The following MXI1 variants were observed in gnomAD, a reference collection of about 807,000 sequenced individuals.
The protein encoded by MXI1 is MAX interactor 1, dimerization protein.
MXI1 carries 18 observed loss-of-function variants against 36.9 expected under a neutral mutation model. The ratio of observed to expected loss-of-function variants is 0.49; its 90% CI spans 0.34 to 0.72. The LOEUF (loss-of-function observed/expected upper bound fraction) is 0.72. Among genes scored for constraint, MXI1 ranks in the 30% least tolerant of loss-of-function variants. The pLI, the probability that MXI1 is intolerant of heterozygous loss-of-function variation, is 0.01. For synonymous variants in MXI1, 160 were observed against 146.7 expected, an observed-to-expected ratio of 1.09 and a Z score of -0.65; for missense variants, 304 against 379.1, an observed-to-expected ratio of 0.80 and a Z score of 1.64.
At chr10:110,215,049 T>TG (rs1040407461) in intron 1 of MXI1, among the ~76,000 whole-genome samples, 3 of 126,728 alleles carry the variant, frequency 2.4e-5, no homozygotes, top group African/African-American at 9.8e-5. Flanking sequence ...TTTTGTTTTT[T>TG]TTTTTTTTTT....
intron 3 of MXI1, chr10:110,257,665 A>G (rs546552162): frequency 1.2e-5 from 2 of 166,812 alleles, no homozygotes; most frequent in South Asian, 3.2e-4. Flanking sequence ...TAAGCACTCT[A>G]AGAACTGAGG....
chr10:110,230,227 T>G (rs1245334859), intron 2 of MXI1, among the ~76,000 whole-genome samples: 1 of 152,242 alleles, frequency 6.6e-6, no homozygotes, highest in African/African-American at 2.4e-5. Flanking sequence ...AATAAGAAAC[T>G]CTTAGTCATC....
At position 110,207,982 on chromosome 10, in the gene MXI1, C is replaced by T. The variant is rs749845781; in HGVS notation, c.174C>T (p.Ser58=). Residue 58 remains serine (S), a synonymous_variant, in exon 1 of 6, where the codon AGC becomes AGT. Coordinates refer to ENST00000332674, the MANE Select transcript of MXI1 (RefSeq NM_130439.3). ...RCPFSDIFNT[S]ENSMEKHINT... ...CCTTCTCAGACATTTTCAACACCAG[C>T]GAGAACTCGATGGAGAAGCACATCA... 3.1e-6 allele frequency: 5 copies of T among 1,601,824 alleles called. No individual in the cohort carries two copies. Among genetic ancestry groups the T allele is most frequent in the Non-Finnish European group, 4.3e-6 (5 of 1,174,686 alleles).
intron 4 of MXI1, 120 bp downstream of exon 4, chr10:110,279,414 G>C (rs1456539200): frequency 1.3e-6 from 1 of 793,552 alleles, no homozygotes; most frequent in Non-Finnish European, 2.0e-6. Context: ...CTGACCTCAA[G>C]AGAAGTCTTT....
rs1048795509 is a variant in MXI1, at chr10:110,285,152, T to C, written c.*165T>C. ...GTCAGAGGACCTGTATTTAAGCAAATACTTAGCAAAAAGTGGGGCAGAGCC... is the reference window on the plus strand; with the variant it reads ...GTCAGAGGACCTGTATTTAAGCAAACACTTAGCAAAAAGTGGGGCAGAGCC... On this transcript the variant is annotated 3_prime_UTR_variant, in exon 6 of 6. Coordinates refer to ENST00000332674, the MANE Select transcript of MXI1 (RefSeq NM_130439.3). 1.7e-6 allele frequency: 1 copy of C among 579,610 alleles called. No homozygotes were observed. The highest frequency in any genetic ancestry group is 1.9e-5 in the African/African-American group (1 of 51,564). 35.9% of individuals were successfully genotyped at this position (579,610 alleles called of 1,614,324 possible).
intron 3 of MXI1, among the ~76,000 whole-genome samples, chr10:110,270,076 A>C (rs1276684427): frequency 1.3e-5 from 2 of 152,216 alleles, no homozygotes; most frequent in East Asian, 3.8e-4. Flanking sequence ...TGATCTCTCT[A>C]GAGAGGAGTA....
chr10:110,219,282 A>G (rs988357631), intron 1 of MXI1, among the ~76,000 whole-genome samples: 2 of 152,264 alleles, frequency 1.3e-5, no homozygotes, highest in South Asian at 4.1e-4. Flanking sequence ...CCTGGGAGAC[A>G]GAGTGAGACT....
intron 5 of MXI1, among the ~76,000 whole-genome samples, chr10:110,280,476 C>A (rs187341955): frequency 1.2e-4 from 18 of 151,738 alleles, no homozygotes; most frequent in Admixed American, 3.9e-4. Flanking sequence ...GTCAGGAGAT[C>A]GAGGCCATCC....
intron 5 of MXI1, among the ~76,000 whole-genome samples, chr10:110,282,683 C>G (rs1390246906): frequency 1.3e-5 from 2 of 152,044 alleles, no homozygotes; most frequent in African/African-American, 4.8e-5. Context: ...CCCAGTGTAC[C>G]TTACTTTAGC....
At chr10:110,238,773 C>G (rs1161945891) in intron 2 of MXI1, among the ~76,000 whole-genome samples, 1 of 151,994 alleles carries the variant, frequency 6.6e-6, no homozygotes, top group Non-Finnish European at 1.5e-5. Context: ...TCTGTTTCTT[C>G]TTGAGTCAGT....
intron 5 of MXI1, 115 bp downstream of exon 5, chr10:110,280,200 G>A: frequency 1.2e-6 from 1 of 868,670 alleles, no homozygotes; most frequent in Non-Finnish European, 1.6e-6. Flanking sequence ...GAGTAACATT[G>A]TAGGTTTTAT....
At chr10:110,252,034 A>T (rs921733819) in intron 3 of MXI1, among the ~76,000 whole-genome samples, 6 of 152,142 alleles carry the variant, frequency 3.9e-5, no homozygotes, top group African/African-American at 1.4e-4. Context: ...AAAAAGTACA[A>T]TCTAGTAGCT....
At chr10:110,235,146 G>T (rs546387379) in intron 2 of MXI1, among the ~76,000 whole-genome samples, 143 of 152,188 alleles carry the variant, frequency 9.4e-4, no homozygotes, top group African/African-American at 3.4e-3. Flanking sequence ...AGCGTTTCTT[G>T]CTATAGAAGA....
At chr10:110,220,484 G>C (rs1854775616) in intron 1 of MXI1, among the ~76,000 whole-genome samples, 1 of 152,218 alleles carries the variant, frequency 6.6e-6, no homozygotes, top group African/African-American at 2.4e-5. Context: ...GGCAGCAGGA[G>C]CTGGTTGTGT....
At chr10:110,213,734 G>A (rs1307205167) in intron 1 of MXI1, among the ~76,000 whole-genome samples, 2 of 152,216 alleles carry the variant, frequency 1.3e-5, no homozygotes, top group African/African-American at 4.8e-5. Flanking sequence ...AGGCAAAACA[G>A]TAGCTGCTCA....
At chr10:110,220,097 G>C (rs1253053385) in intron 1 of MXI1, among the ~76,000 whole-genome samples, 1 of 152,204 alleles carries the variant, frequency 6.6e-6, no homozygotes, top group East Asian at 1.9e-4. Flanking sequence ...GACCTGACGC[G>C]ATTGAACATA....
At chr10:110,274,634 G>T (rs1856967487) in intron 3 of MXI1, among the ~76,000 whole-genome samples, 1 of 152,156 alleles carries the variant, frequency 6.6e-6, no homozygotes, top group Non-Finnish European at 1.5e-5. Context: ...TTTCCATTAA[G>T]TCTAGTTCTA....
At chr10:110,223,630 GTTCT>G (rs1287873774) in intron 1 of MXI1, among the ~76,000 whole-genome samples, 1 of 151,922 alleles carries the variant, frequency 6.6e-6, no homozygotes, top group Non-Finnish European at 1.5e-5. Flanking sequence ...ACTAACAGAT[GTTCT>G]AAATGAATGG....
chr10:110,219,985 G>C (rs1290424042), intron 1 of MXI1, among the ~76,000 whole-genome samples: 1 of 152,198 alleles, frequency 6.6e-6, no homozygotes, highest in Non-Finnish European at 1.5e-5. Context: ...AACGCCCCCA[G>C]TCATTGTGAC....
Sources: gnomAD v4.1 joint callset for allele counts (sites outside exome capture counted in the v4.1 genomes callset) on GRCh38, gnomAD v4.1.1 for gene constraint, MANE v1.5 for transcripts, NCBI Gene and HGNC (gene_info 2026-07-23, HGNC 2026-07-21) for gene names.